The following FLNC variants were observed in gnomAD, a reference collection of about 807,000 sequenced individuals.
FLNC encodes filamin C.
FLNC carries 91 observed loss-of-function variants against 254.3 expected under a neutral mutation model. The observed-to-expected ratio is 0.36, with a 90% CI of 0.30 to 0.43. The LOEUF is 0.43. Ranked by LOEUF, FLNC falls within the 20% of genes least tolerant of loss-of-function variation. The pLI is 1.00. For missense variants in FLNC, 2,853 were observed against 3,802.6 expected (o/e 0.75, Z 6.57); for synonymous variants, 1,430 against 1,577.2 (o/e 0.91, Z 2.21).
At position 128,832,174 on chromosome 7, in the gene FLNC, G is replaced by T. The variant is rs188775712; in HGVS notation, c.352+1185G>T. Among the ~76,000 whole-genome samples the T allele has an allele frequency of 4.0e-4, 61 of 152,186 alleles. 1 individual carries two copies. The highest frequency in any genetic ancestry group is 3.4e-3 in the Middle Eastern group (1 of 294). ...AGGTCAGCCCAGGGCCCTTTGCCCCGTCCAGTCCCCTCCCTAGCCCTTACC... is the reference window on the plus strand; with the variant it reads ...AGGTCAGCCCAGGGCCCTTTGCCCCTTCCAGTCCCCTCCCTAGCCCTTACC... On this transcript the variant is annotated intron_variant, in intron 1 of 47. Coordinates refer to ENST00000325888, the MANE Select transcript of FLNC (RefSeq NM_001458.5).
At chr7:128,843,735 C>G in intron 18 of FLNC, 61 bp from the exon 19 acceptor site, 8 of 1,538,528 alleles carry the variant, frequency 5.2e-6, no homozygotes, top group Non-Finnish European at 7.2e-6. Flanking sequence ...CCATATTCAC[C>G]ACCAGGATGT....
chr7:128,841,242 G>A lies in FLNC; in HGVS notation c.1886G>A (p.Arg629Gln), dbSNP rs765173966. ...AAGGGGGATGGCTCCTGCGATGTGC[G>A]GTACTGGCCCACGGAGCCTGGGGAG... ...DDKGDGSCDV[R>Q]YWPTEPGEYA... The change falls in exon 12 of 48, where the codon CGG becomes CAG. Residue 629 changes from arginine to glutamine, a missense_variant. Arg to Gln is a conservative substitution (Grantham distance 43, BLOSUM62 1). This residue lies in a region of FLNC where 1,573 missense variants were observed against 1,883.5 expected (regional missense o/e 0.84). Coordinates refer to ENST00000325888, the MANE Select transcript of FLNC (RefSeq NM_001458.5). This position sits in a 1 kb window ranked among gnomAD's most constrained non-coding sequence, Gnocchi z 4.3. 2.8e-5 allele frequency: 45 copies of A among 1,613,968 alleles called. No individual in the cohort carries two copies. The African/African-American group carries it at 3.2e-4, about 11-fold the overall frequency.
Position 128,858,483 on chromosome 7 carries a change from A to G in FLNC, c.8138A>G (p.Glu2713Gly). Reference sequence around the variant, plus strand: ...ATCCTCATTGTCAAGTGGGGTGACGAAAGTGTCCCTGGAAGCCCCTTCAAA... The same window carrying G: ...ATCCTCATTGTCAAGTGGGGTGACGGAAGTGTCCCTGGAAGCCCCTTCAAA... ...DYILIVKWGD[E>G]SVPGSPFKVK... Residue 2713 changes from glutamate (E) to glycine (G), a missense_variant, in exon 48 of 48, where the codon GAA becomes GGA. Glu to Gly is a moderately conservative substitution (Grantham distance 98, BLOSUM62 -2). Around this residue, in one of 10 missense-constraint regions of FLNC, gnomAD observed 197 missense variants for 351.5 expected, o/e 0.56. Transcript: ENST00000325888. The surrounding 1 kb of genome is among the most constrained non-coding windows in gnomAD (Gnocchi z 6.7). The G allele has an allele frequency of 6.2e-7, 1 of 1,613,836 alleles. No individual in the cohort carries two copies.
chr7:128,838,392 G>T lies in FLNC; in HGVS notation c.1173G>T (p.Val391=). 1 of 1,613,276 alleles carries T rather than the reference G, an allele frequency of 6.2e-7. No individual in the cohort carries two copies. Among genetic ancestry groups the T allele is most frequent in the Non-Finnish European group, 8.5e-7 (1 of 1,179,790 alleles). ...RGPGLEPVGN[V]ANKPTYFDIY... is the part of the protein sequence containing the mutation. ...CTGGCCTGGAACCTGTGGGCAATGTGGCCAACAAACCCACCTACTTTGACA... is the reference window on the plus strand; with the variant it reads ...CTGGCCTGGAACCTGTGGGCAATGTTGCCAACAAACCCACCTACTTTGACA... The change falls in exon 7 of 48, where the codon GTG becomes GTT. Residue 391 remains valine (V), a synonymous_variant. Coordinates refer to ENST00000325888, the MANE Select transcript of FLNC (RefSeq NM_001458.5).
chr7:128,851,696 A>G (rs1808824028), intron 35 of FLNC, 68 bp downstream of exon 35: 2 of 1,536,938 alleles, frequency 1.3e-6, no homozygotes, highest in African/African-American at 2.7e-5. Flanking sequence ...ACTCATGTGC[A>G]AGCCCAGCCC....
At chr7:128,851,149 A>C (rs1370628658) in intron 33 of FLNC, 83 bp from the exon 34 acceptor site, 6 of 1,602,694 alleles carry the variant, frequency 3.7e-6, no homozygotes, top group Non-Finnish European at 5.1e-6. Context: ...GTTGGCAGGG[A>C]GGCTGCTGGA....
intron 3 of FLNC, 54 bp from the exon 4 acceptor site, chr7:128,837,344 C>T: frequency 1.2e-6 from 2 of 1,612,956 alleles, no homozygotes; most frequent in Non-Finnish European, 1.7e-6. Flanking sequence ...CAGGGGGAGA[C>T]TGGGGCTGCT....
At position 128,849,540 on chromosome 7, in the gene FLNC, G is replaced by A. The variant is rs759786433; in HGVS notation, c.5161G>A (p.Gly1721Arg). The change falls in exon 30 of 48, where the codon GGG becomes AGG. Residue 1721 changes from glycine (G) to arginine (R), a missense_variant. Gly to Arg is a moderately radical substitution (Grantham distance 125, BLOSUM62 -2). Coordinates refer to ENST00000325888, the MANE Select transcript of FLNC (RefSeq NM_001458.5). ...CAAGTACGTCATCACCATCCGCTTC[G>A]GGGGTGAGCACATCCCCAACAGCCC... ...PGKYVITIRF[G>R]GEHIPNSPFH... The A allele has an allele frequency of 7.4e-6, 12 of 1,614,116 alleles. No individual in the cohort carries two copies. The highest frequency in any genetic ancestry group is 3.3e-5 in the Admixed American group (2 of 60,028).
In FLNC at chr7:128,845,064, C is replaced by A; in HGVS notation, c.3599C>A (p.Ala1200Asp). 6.2e-7 allele frequency: 1 copy of A among 1,613,862 alleles called. No homozygotes were observed. The highest frequency in any genetic ancestry group is 2.2e-5 in the East Asian group (1 of 44,868). The change falls in exon 21 of 48, where the codon GCC becomes GAC. Residue 1200 changes from alanine to aspartate, a missense_variant. Physicochemically the swap from Ala to Asp is moderately radical, Grantham distance 126. Coordinates refer to ENST00000325888, the MANE Select transcript of FLNC (RefSeq NM_001458.5). ...IEILSDAGVK[A>D]EVLIHNNADG... ...ATCCTGTCGGATGCCGGGGTCAAGG[C>A]CGAGGTGCTGATCCACAACAACGCG...
In FLNC at chr7:128,845,054, G is replaced by A. The variant is rs753812010; in HGVS notation, c.3589G>A (p.Gly1197Arg). 1.2e-5 allele frequency: 19 copies of A among 1,613,730 alleles called. No individual in the cohort carries two copies. Among genetic ancestry groups the A allele is most frequent in the Middle Eastern group, 1.6e-4 (1 of 6,084 alleles). The part of the protein sequence containing the change: ...ELTIEILSDA[G>R]VKAEVLIHNN... ...GACCATTGAGATCCTGTCGGATGCC[G>A]GGGTCAAGGCCGAGGTGCTGATCCA... The change falls in exon 21 of 48, where the codon GGG becomes AGG. Residue 1197 changes from glycine to arginine, a missense_variant. Gly to Arg is a moderately radical substitution (Grantham distance 125, BLOSUM62 -2). Around this residue, in one of 10 missense-constraint regions of FLNC, gnomAD observed 1,573 missense variants for 1,883.5 expected, o/e 0.84. Coordinates refer to ENST00000325888, the MANE Select transcript of FLNC (RefSeq NM_001458.5).
In FLNC at chr7:128,851,447, A is replaced by T. The variant is rs758184438; in HGVS notation, c.5669-8A>T. 5 of 1,613,916 alleles carry T rather than the reference A, an allele frequency of 3.1e-6. No homozygotes were observed. Among genetic ancestry groups the T allele is most frequent in the Non-Finnish European group, 4.2e-6 (5 of 1,180,030 alleles). On this transcript the variant is annotated splice_region_variant and splice_polypyrimidine_tract_variant and intron_variant, in intron 34 of 47. Coordinates refer to ENST00000325888, the MANE Select transcript of FLNC (RefSeq NM_001458.5). ...GACCTCTGATCTTGGCCACACCTCC[A>T]CCTACAGGGGGTCTGTCACTGGCCG...
At chr7:128,855,113 C>T in intron 42 of FLNC, 86 bp from the exon 43 acceptor site, 1 of 1,131,604 alleles carries the variant, frequency 8.8e-7, no homozygotes, top group East Asian at 2.3e-5. Flanking sequence ...ACCACAGAGC[C>T]TTTCCTGGGA....
rs759158292 is a variant in FLNC at position 128,830,832 on chromosome 7, C to G, written c.195C>G (p.Ser65Arg). Residue 65 changes from serine to arginine, a missense_variant, in exon 1 of 48, where the codon AGC becomes AGG. By Grantham distance (110) the Ser-to-Arg change is moderately radical. Coordinates refer to ENST00000325888, the MANE Select transcript of FLNC (RefSeq NM_001458.5). ...KRLTDLQRDLSDGLRLIALLE... is the reference protein window; with the variant it reads ...KRLTDLQRDLRDGLRLIALLE... ...TGACCGACCTGCAGCGCGACCTCAG[C>G]GACGGGCTCCGGCTCATCGCGCTGC... is the stretch of plus-strand genomic sequence containing the variant. The G allele has an allele frequency of 6.2e-7, 1 of 1,612,966 alleles. No individual in the cohort carries two copies. The highest frequency in any genetic ancestry group is 8.5e-7 in the Non-Finnish European group (1 of 1,179,950).
At position 128,844,088 on chromosome 7, in the gene FLNC, C is replaced by T. The variant is rs752448040; in HGVS notation, c.3014C>T (p.Ser1005Leu). 5.6e-6 allele frequency: 9 copies of T among 1,613,848 alleles called. 1 individual carries two copies. Among genetic ancestry groups the T allele is most frequent in the East Asian group, 2.2e-5 (1 of 44,892 alleles). Residue 1005 changes from serine to leucine, a missense_variant, in exon 20 of 48, where the codon TCG becomes TTG. By Grantham distance (145) the Ser-to-Leu change is moderately radical (BLOSUM62 -2). Coordinates refer to ENST00000325888, the MANE Select transcript of FLNC (RefSeq NM_001458.5). ...GQGQLDVRMT[S>L]PSRRPIPCKL... The stretch of plus-strand genomic sequence containing the variant: ...GGCCAACTGGATGTGCGGATGACTT[C>T]GCCCTCTCGCCGGCCCATCCCCTGC...
intron 40 of FLNC, 52 bp downstream of exon 40, chr7:128,854,268 G>A: frequency 1.9e-6 from 3 of 1,603,526 alleles, no homozygotes; most frequent in Non-Finnish European, 2.6e-6. Context: ...ATGGGAGGGT[G>A]CTGCGGACCA....
rs1211859485 is a variant in FLNC, at chr7:128,856,701, G to T, written c.7385-44G>T. On this transcript the variant is annotated intron_variant, in intron 44 of 47. Transcript: ENST00000325888. The surrounding 1 kb of genome is among the most constrained non-coding windows in gnomAD (Gnocchi z 5.9). ...TCCCTTCCGGGCTGGGGCCTTCTGG[G>T]GAGGGGAAGGATGGAGGCTAAGCCA... The T allele has an allele frequency of 1.2e-6, 2 of 1,613,972 alleles. No homozygotes were observed. Among genetic ancestry groups the T allele is most frequent in the Non-Finnish European group, 1.7e-6 (2 of 1,180,030 alleles).
chr7:128,853,675 G>C, intron 38 of FLNC, 40 bp from the exon 39 acceptor site: 1 of 1,614,008 alleles, frequency 6.2e-7, no homozygotes, highest in Non-Finnish European at 8.5e-7. Flanking sequence ...AGGAGGCTGG[G>C]GCTCTGAGGT....
In FLNC at chr7:128,842,586, C is replaced by T. The variant is rs534989876; in HGVS notation, c.2277C>T (p.Gly759=). 15 of 1,549,266 alleles carry T rather than the reference C, an allele frequency of 9.7e-6. No individual in the cohort carries two copies. The highest frequency in any genetic ancestry group is 5.9e-5 in the South Asian group (5 of 84,092). The change falls in exon 15 of 48, where the codon GGC becomes GGT. Residue 759 remains glycine (G), a synonymous_variant. Transcript: ENST00000325888. This position sits in a 1 kb window ranked among gnomAD's most constrained non-coding sequence, Gnocchi z 5.4. ...VPKSPFRVNV[G]EGSHPERVKV... Reference sequence around the variant, plus strand: ...GACCCCTCCCGCAGGTGAACGTGGGCGAGGGCAGCCACCCCGAGCGGGTAA... The same window carrying T: ...GACCCCTCCCGCAGGTGAACGTGGGTGAGGGCAGCCACCCCGAGCGGGTAA...
chr7:128,847,849 G>T lies in FLNC; in HGVS notation c.4441G>T (p.Val1481Leu). 1 of 1,613,746 alleles carries T rather than the reference G, an allele frequency of 6.2e-7. No individual in the cohort carries two copies. The highest frequency in any genetic ancestry group is 8.5e-7 in the Non-Finnish European group (1 of 1,179,894). ...QAGRAPLQVA[V>L]LGPTGVAEPV... is the part of the protein sequence containing the mutation. ...TGGCCGGGCGCCCCTGCAGGTGGCT[G>T]TGCTGGGCCCCACAGGTATAGAATG... is the stretch of plus-strand genomic sequence containing the variant. The change falls in exon 25 of 48, where the codon GTG becomes TTG. Residue 1481 changes from valine (V) to leucine (L), a missense_variant. Physicochemically the swap from Val to Leu is conservative, Grantham distance 32. Coordinates refer to ENST00000325888, the MANE Select transcript of FLNC (RefSeq NM_001458.5).
Sources: allele counts gnomAD v4.1 joint callset (sites outside exome capture counted in the v4.1 genomes callset), GRCh38; gene constraint gnomAD v4.1.1; regional missense constraint gnomAD v4.1.1; non-coding constraint Gnocchi (gnomAD v3.1); transcripts MANE v1.5; gene names NCBI Gene and HGNC (gene_info 2026-07-23, HGNC 2026-07-21).